MRTFB: variants seen among roughly 807,000 people sequenced by gnomAD.
MRTFB encodes myocardin related transcription factor B.
A neutral mutation model predicts 104.2 loss-of-function variants in MRTFB; 29 were observed. The ratio of observed to expected loss-of-function variants is 0.28; its 90% confidence interval spans 0.21 to 0.38. The LOEUF (loss-of-function observed/expected upper bound fraction) is 0.38, where lower values mean the gene tolerates loss of function less well. MRTFB is among the 10% of genes least tolerant of loss of function. The pLI, the probability that MRTFB is intolerant of heterozygous loss-of-function variation, is 1.00. For missense variants in MRTFB, 1,270 were observed against 1,341.6 expected, an observed-to-expected ratio of 0.95 and a Z score of 0.83; for synonymous variants, 535 against 519.5, an observed-to-expected ratio of 1.03 and a Z score of -0.41.
the MRTFB span, among the ~76,000 whole-genome samples, chr16:14,047,866 T>C: frequency 6.6e-6 from 1 of 152,074 alleles, no homozygotes. Context: ...CCCTCCCAAA[T>C]CTCATGTCCT....
intron 2 of MRTFB, among the ~76,000 whole-genome samples, chr16:14,089,202 T>C (rs2034902695): frequency 1.3e-5 from 2 of 152,300 alleles, no homozygotes; most frequent in South Asian, 4.1e-4. Context: ...AGTGTAGAAC[T>C]CAATGATTTT....
At chr16:14,259,320 C>T (rs903856075) in intron 16 of MRTFB, among the ~76,000 whole-genome samples, 6 of 151,226 alleles carry the variant, frequency 4.0e-5, no homozygotes, top group Admixed American at 6.6e-5. Context: ...GTGGCAGGCA[C>T]CTTAAACTTG....
At chr16:14,253,476 A>G (rs952912644) in intron 15 of MRTFB, among the ~76,000 whole-genome samples, 3 of 152,162 alleles carry the variant, frequency 2.0e-5, no homozygotes, top group Admixed American at 2.0e-4. Flanking sequence ...GTGGCTGTGT[A>G]TGCAGTGGGT....
chr16:14,090,403 G>A (rs1364775903), intron 2 of MRTFB, among the ~76,000 whole-genome samples: 2 of 152,066 alleles, frequency 1.3e-5, no homozygotes, highest in Admixed American at 1.3e-4. Flanking sequence ...GTCTTTCATT[G>A]TTCTGCGTCG....
chr16:14,218,275 G>GA (rs2041515886), intron 7 of MRTFB, among the ~76,000 whole-genome samples: 1 of 152,018 alleles, frequency 6.6e-6, no homozygotes, highest in Non-Finnish European at 1.5e-5. Context: ...TAGCCAGGAT[G>GA]GTCTCGATCT....
At chr16:14,063,657 C>A in the MRTFB span, among the ~76,000 whole-genome samples, 1 of 152,200 alleles carries the variant, frequency 6.6e-6, no homozygotes, top group Non-Finnish European at 1.5e-5. Flanking sequence ...CATCCAGCTC[C>A]ATCCACCATT....
chr16:14,082,736 G>A (rs1287456369), intron 2 of MRTFB, among the ~76,000 whole-genome samples: 2 of 152,070 alleles, frequency 1.3e-5, no homozygotes, highest in African/African-American at 2.4e-5. Flanking sequence ...CTGTGTGATC[G>A]TACCACAGCA....
chr16:14,148,947 A>G (rs2038469198), intron 3 of MRTFB, among the ~76,000 whole-genome samples: 1 of 152,202 alleles, frequency 6.6e-6, no homozygotes, highest in Non-Finnish European at 1.5e-5. Flanking sequence ...CCTTAGATAC[A>G]AATTAGTCGT....
At chr16:14,235,504 C>G (rs1023571049) in intron 9 of MRTFB, among the ~76,000 whole-genome samples, 7 of 152,212 alleles carry the variant, frequency 4.6e-5, no homozygotes, top group African/African-American at 1.4e-4. Context: ...CTGCTCTTCA[C>G]TGATGTCTTT....
At chr16:14,080,069 A>AT in intron 2 of MRTFB, among the ~76,000 whole-genome samples, 1 of 152,130 alleles carries the variant, frequency 6.6e-6, no homozygotes, top group Non-Finnish European at 1.5e-5. Context: ...ACCATACTTT[A>AT]TGCCTTTGAT....
At chr16:14,242,543 T>C (rs2042818548) in intron 10 of MRTFB, among the ~76,000 whole-genome samples, 1 of 152,160 alleles carries the variant, frequency 6.6e-6, no homozygotes, top group Admixed American at 6.5e-5. Context: ...GTGGAAGTCA[T>C]AGAGTGCCCA....
intron 2 of MRTFB, among the ~76,000 whole-genome samples, chr16:14,105,481 T>C (rs763190316): frequency 2.0e-5 from 3 of 152,050 alleles, no homozygotes; most frequent in Non-Finnish European, 4.4e-5. Flanking sequence ...CACTGCAGCC[T>C]TAAACTCCTG....
the MRTFB span, among the ~76,000 whole-genome samples, chr16:13,996,659 AAGAT>A: frequency 3.3e-5 from 5 of 152,174 alleles, no homozygotes; most frequent in Non-Finnish European, 7.3e-5. Flanking sequence ...CACCTACATA[AAGAT>A]AGCATGACAA....
chr16:14,196,207 G>A (rs226792), intron 3 of MRTFB, among the ~76,000 whole-genome samples: 35,569 of 152,138 alleles, frequency 0.23, 7,877 homozygotes, highest in African/African-American at 0.57. Context: ...GCAGCAGCCA[G>A]CCAGAGAGTT....
chr16:14,098,978 G>C (rs961213939), intron 2 of MRTFB, among the ~76,000 whole-genome samples: 1 of 152,124 alleles, frequency 6.6e-6, no homozygotes, highest in African/African-American at 2.4e-5. Flanking sequence ...AATTATTGTA[G>C]CTTTATAATG....
chr16:14,073,187 C>T (rs1412305525), intron 1 of MRTFB, among the ~76,000 whole-genome samples: 2 of 152,136 alleles, frequency 1.3e-5, no homozygotes, highest in African/African-American at 2.4e-5. Flanking sequence ...TAAAGTAATG[C>T]CAGTTTATAG....
chr16:14,057,187 C>T, the MRTFB span, among the ~76,000 whole-genome samples: 1 of 152,016 alleles, frequency 6.6e-6, no homozygotes, highest in Non-Finnish European at 1.5e-5. Context: ...AATGTAAGCT[C>T]ACTGTTCCAG....
At chr16:14,037,262 G>A in the MRTFB span, among the ~76,000 whole-genome samples, 65 of 152,304 alleles carry the variant, frequency 4.3e-4, 1 homozygote, top group Non-Finnish European at 9.0e-4. Context: ...GATGGTTCCT[G>A]TGAAGGACCT....
At chr16:14,028,909 G>T in the MRTFB span, among the ~76,000 whole-genome samples, 1 of 152,302 alleles carries the variant, frequency 6.6e-6, no homozygotes, top group African/African-American at 2.4e-5. Context: ...CAGTGGAGAA[G>T]GTTGGCCCCA....
Sources: gnomAD v4.1 joint callset for allele counts (sites outside exome capture counted in the v4.1 genomes callset) on GRCh38, gnomAD v4.1.1 for gene constraint, MANE v1.5 for transcripts, NCBI Gene and HGNC (gene_info 2026-07-23, HGNC 2026-07-21) for gene names.